DHRSX: variants seen among roughly 807,000 people sequenced by gnomAD.
DHRSX encodes dehydrogenase/reductase X-linked.
DHRSX carries 31 observed loss-of-function variants against 34.0 expected under a neutral mutation model. That is an observed-to-expected ratio of 0.91 (90% CI 0.69 to 1.23). The LOEUF (loss-of-function observed/expected upper bound fraction) is 1.23, where lower values mean the gene tolerates loss of function less well. DHRSX is among the 50% of genes most tolerant of loss of function. DHRSX has a pLI of 0.00. For missense variants in DHRSX, 414 were observed against 428.1 expected (o/e 0.97, Z 0.29); for synonymous variants, 201 against 183.8 (o/e 1.09, Z -0.76).
intron 1 of DHRSX, among the ~76,000 whole-genome samples, chrX:2,459,828 C>T (rs1279788234): frequency 6.6e-6 from 1 of 151,996 alleles, no homozygotes. Context: ...CTACACTGGG[C>T]CGGGCGCGGT....
intron 3 of DHRSX, among the ~76,000 whole-genome samples, chrX:2,332,426 C>A (rs1007024282): frequency 2.6e-5 from 4 of 152,182 alleles, no homozygotes; most frequent in Non-Finnish European, 4.4e-5. Flanking sequence ...TGTTAATTGG[C>A]TAAATGAGCC....
At chrX:2,423,085 A>G (rs112264274) in intron 2 of DHRSX, among the ~76,000 whole-genome samples, 29,838 of 149,914 alleles carry the variant, frequency 0.2, 3,175 homozygotes, top group Middle Eastern at 0.24. Context: ...TTACAGGCAT[A>G]AGCCACCACG....
At chrX:2,229,791 C>T (rs2015825993) in intron 6 of DHRSX, among the ~76,000 whole-genome samples, 1 of 151,240 alleles carries the variant, frequency 6.6e-6, no homozygotes, top group Non-Finnish European at 1.5e-5. Context: ...GGGTATGGGC[C>T]TGCGTGTGTT....
chrX:2,440,076 A>G (rs2044043402), intron 1 of DHRSX, among the ~76,000 whole-genome samples: 1 of 152,196 alleles, frequency 6.6e-6, no homozygotes, highest in African/African-American at 2.4e-5. Flanking sequence ...CTTCTGATTT[A>G]CCCACTTTTG....
At chrX:2,266,283 G>A (rs1200734527) in intron 5 of DHRSX, among the ~76,000 whole-genome samples, 7 of 140,236 alleles carry the variant, frequency 5.0e-5, no homozygotes, top group African/African-American at 1.5e-4. Flanking sequence ...CCGGTGTACA[G>A]CAGACACAGG....
intron 5 of DHRSX, among the ~76,000 whole-genome samples, chrX:2,245,201 T>C (rs2016248577): frequency 2.0e-5 from 3 of 152,070 alleles, no homozygotes; most frequent in African/African-American, 7.2e-5. Flanking sequence ...ATCACCTCCT[T>C]TGGGAAGGCT....
intron 5 of DHRSX, among the ~76,000 whole-genome samples, chrX:2,251,620 T>C (rs1160819987): frequency 6.6e-6 from 1 of 152,102 alleles, no homozygotes; most frequent in South Asian, 2.1e-4. Flanking sequence ...TTCGCTGTAC[T>C]CTCCTGGCAA....
intron 3 of DHRSX, among the ~76,000 whole-genome samples, chrX:2,352,000 G>T (rs943025884): frequency 6.6e-6 from 1 of 152,114 alleles, no homozygotes; most frequent in Admixed American, 6.6e-5. Flanking sequence ...GGTTACAGGC[G>T]TGAGTCACCG....
intron 3 of DHRSX, among the ~76,000 whole-genome samples, chrX:2,305,928 G>A (rs564437380): frequency 9.5e-4 from 144 of 151,740 alleles, no homozygotes; most frequent in African/African-American, 3.1e-3. Context: ...ACCATGGCAC[G>A]TCTATACCTA....
intron 6 of DHRSX, among the ~76,000 whole-genome samples, chrX:2,233,455 A>G (rs1445899042): frequency 6.6e-6 from 1 of 151,972 alleles, no homozygotes; most frequent in Non-Finnish European, 1.5e-5. Context: ...CCAAGAACGC[A>G]GTGTGTTCCC....
intron 6 of DHRSX, among the ~76,000 whole-genome samples, chrX:2,223,355 T>C (rs2015564414): frequency 6.6e-6 from 1 of 152,230 alleles, no homozygotes; most frequent in Admixed American, 6.6e-5. Context: ...CCGCCATGAT[T>C]GTCAGGCCTC....
rs1262823802 is a variant in DHRSX, at chrX:2,221,190, C to T, written c.844G>A (p.Val282Ile). ...CCAACTCCTTCCAGCTCTGGGGTGA[C>T]TGCTGCGTAGATGGAAGTCCACGCT... is the stretch of plus-strand genomic sequence containing the variant. ...EGAWTSIYAA[V>I]TPELEGVGGH... Residue 282 changes from valine to isoleucine, a missense_variant, in exon 7 of 7, where the codon GTC becomes ATC. Transcript: ENST00000334651. 6.2e-7 allele frequency: 1 copy of T among 1,613,862 alleles called. No individual in the cohort carries two copies. The highest frequency in any genetic ancestry group is 1.1e-5 in the South Asian group (1 of 91,064).
At chrX:2,482,725 G>C (rs760352665) in intron 1 of DHRSX, among the ~76,000 whole-genome samples, 18 of 152,318 alleles carry the variant, frequency 1.2e-4, no homozygotes, top group Admixed American at 2.6e-4. Flanking sequence ...AAATCCTGCA[G>C]TAACTGCCTA....
At chrX:2,417,918 C>T (rs1279053316) in intron 2 of DHRSX, among the ~76,000 whole-genome samples, 14 of 151,982 alleles carry the variant, frequency 9.2e-5, no homozygotes, top group Non-Finnish European at 1.3e-4. Context: ...CCTAACCAAA[C>T]TGTACCTTAC....
intron 3 of DHRSX, among the ~76,000 whole-genome samples, chrX:2,365,802 T>G: frequency 1.3e-5 from 2 of 150,964 alleles, no homozygotes; most frequent in African/African-American, 2.4e-5. Flanking sequence ...TGTCGGGAGG[T>G]GGGGGGCAAG....
chrX:2,419,278 A>T (rs1238236231), intron 2 of DHRSX, among the ~76,000 whole-genome samples: 1 of 152,174 alleles, frequency 6.6e-6, no homozygotes. Context: ...ACACAGGAGA[A>T]AGTGGCCATC....
At chrX:2,500,654 G>GCCCCCCCCCCCC (rs546772121) in intron 1 of DHRSX, 163 bp downstream of exon 1, 4 of 126,676 alleles carry the variant, frequency 3.2e-5, no homozygotes, top group Non-Finnish European at 6.6e-5. Flanking sequence ...CGCGCACGCC[G>GCCCCCCCCCCCC]CCCCCCCCCC....
chrX:2,469,622 C>T (rs1376114769), intron 1 of DHRSX, among the ~76,000 whole-genome samples: 3 of 146,322 alleles, frequency 2.1e-5, no homozygotes, highest in African/African-American at 5.1e-5. Context: ...GCACTGATGA[C>T]GTTGCCTAAG....
chrX:2,245,196 C>T (rs1217092146), intron 5 of DHRSX, among the ~76,000 whole-genome samples: 1 of 152,140 alleles, frequency 6.6e-6, no homozygotes, highest in African/African-American at 2.4e-5. Flanking sequence ...ATCTGATCAC[C>T]TCCTTTGGGA....
Sources: allele counts gnomAD v4.1 joint callset (sites outside exome capture counted in the v4.1 genomes callset), GRCh38; gene constraint gnomAD v4.1.1; transcripts MANE v1.5; gene names NCBI Gene and HGNC (gene_info 2026-07-23, HGNC 2026-07-21).